The following KDM3B variants were observed in gnomAD, a reference collection of about 807,000 sequenced individuals.
KDM3B encodes lysine-specific demethylase 3B.
Under a neutral mutation model 170.0 loss-of-function variants are expected in KDM3B, and 10 were observed. The ratio of observed to expected loss-of-function variants is 0.06; its 90% CI spans 0.04 to 0.10. KDM3B has a LOEUF of 0.10. Among genes scored for constraint, KDM3B ranks in the 10% least tolerant of loss-of-function variants. The probability of loss-of-function intolerance (pLI) is 1.00; values close to 1 mark genes in which losing one functional copy is unlikely to be tolerated. For missense variants in KDM3B, 1,394 were observed against 2,195.2 expected, an observed-to-expected ratio of 0.64 and a Z score of 7.29; for synonymous variants, 831 against 834.8, an observed-to-expected ratio of 1.00 and a Z score of 0.08.
Position 138,395,623 on chromosome 5 carries a change from A to AT in KDM3B, c.2831+2262dup, listed in dbSNP as rs897113919. 1.3e-3 allele frequency among the ~76,000 whole-genome samples: 197 copies of AT among 148,760 alleles called. 1 individual carries two copies. The highest frequency in any genetic ancestry group is 7.0e-3 in the Middle Eastern group (2 of 284). On this transcript the variant is annotated intron_variant, in intron 9 of 23. Coordinates refer to ENST00000314358, the MANE Select transcript of KDM3B (RefSeq NM_016604.4). ...ACAAAAAATAATAGTAATAATAATA[A>AT]TTTTTTTTTTTGAGACGGAGTCTTG...
At chr5:138,398,119 T>G in intron 9 of KDM3B, 59 bp from the exon 10 acceptor site, 1 of 1,299,444 alleles carries the variant, frequency 7.7e-7, no homozygotes, top group Non-Finnish European at 1.1e-6. Flanking sequence ...CCCAGGAGTT[T>G]AGGTGTGTGT....
chr5:138,398,594 A>G (rs921194058), intron 10 of KDM3B, among the ~76,000 whole-genome samples: 1 of 152,188 alleles, frequency 6.6e-6, no homozygotes, highest in African/African-American at 2.4e-5. Flanking sequence ...TTTGGCAATT[A>G]ACAAACCAAA....
rs1309008673 is a variant in KDM3B, at chr5:138,358,173, G to A, written c.192+5186G>A. On this transcript the variant is annotated intron_variant, in intron 1 of 23. Transcript: ENST00000314358. ...CCACCATGTAATTTTAGTAGAGATG[G>A]GGTTTCACCATGTTGGCCAGGCTGA... 4.0e-5 allele frequency among the ~76,000 whole-genome samples: 6 copies of A among 148,932 alleles called. No homozygotes were observed. In the East Asian group the frequency reaches 1.2e-3, roughly 30 times the overall value.
Position 138,391,249 on chromosome 5 carries a change from C to T in KDM3B, c.1617C>T (p.Tyr539=), listed in dbSNP as rs1291090725. ...CMSQTLPTSN[Y]FTTVSESLAD... ...CCCAAACTTTACCTACCAGTAACTA[C>T]TTCACTACTGTTTCAGAGAGTTTGG... The change falls in exon 8 of 24, where the codon TAC becomes TAT. Residue 539 remains tyrosine (Y), a synonymous_variant. Coordinates refer to ENST00000314358, the MANE Select transcript of KDM3B (RefSeq NM_016604.4). The surrounding 1 kb of genome is among the most constrained non-coding windows in gnomAD (Gnocchi z 5.0). The T allele has an allele frequency of 4.3e-6, 7 of 1,614,192 alleles. No individual in the cohort carries two copies. Among genetic ancestry groups the T allele is most frequent in the Non-Finnish European group, 5.9e-6 (7 of 1,180,030 alleles).
chr5:138,431,866 CA>C (rs1763540113), intron 23 of KDM3B, among the ~76,000 whole-genome samples: 1 of 150,596 alleles, frequency 6.6e-6, no homozygotes, highest in Non-Finnish European at 1.5e-5. Context: ...GAGCTGAGAT[CA>C]TGCCACTGCA....
At chr5:138,419,263 A>G (rs371118678) in intron 14 of KDM3B, 31 bp downstream of exon 14, 67 of 1,584,960 alleles carry the variant, frequency 4.2e-5, no homozygotes, top group South Asian at 2.7e-4. Flanking sequence ...TGCTCTGCCT[A>G]TGGTAGAAAT....
chr5:138,398,543 T>C, intron 10 of KDM3B, 151 bp downstream of exon 10: 1 of 659,194 alleles, frequency 1.5e-6, no homozygotes. Flanking sequence ...AACCTGTCGT[T>C]GAGACCTTAA....
At chr5:138,428,393 G>A (rs1329669787) in intron 20 of KDM3B, among the ~76,000 whole-genome samples, 1 of 151,948 alleles carries the variant, frequency 6.6e-6, no homozygotes, top group Non-Finnish European at 1.5e-5. Flanking sequence ...TGTATTTTTA[G>A]TAGAGACGGG....
chr5:138,389,780 C>CTG (rs1230677685), intron 7 of KDM3B, among the ~76,000 whole-genome samples: 2,795 of 120,188 alleles, frequency 0.023, 43 homozygotes, highest in South Asian at 0.053. Flanking sequence ...CTCTCTCTCT[C>CTG]TCTGTGTGTG....
At chr5:138,419,731 ACACACACACACAC>A (rs1314522883) in intron 14 of KDM3B, among the ~76,000 whole-genome samples, 2 of 36,734 alleles carry the variant, frequency 5.4e-5, no homozygotes, top group Middle Eastern at 0.012. Context: ...ACACACATAC[ACACACACACACAC>A]ACACACACAC....
At chr5:138,406,790 T>C (rs1409800065) in intron 11 of KDM3B, among the ~76,000 whole-genome samples, 2 of 152,090 alleles carry the variant, frequency 1.3e-5, no homozygotes, top group Non-Finnish European at 2.9e-5. Flanking sequence ...CACAGTGGCG[T>C]GTGCCTATAC....
chr5:138,411,990 A>T (rs1357609652), intron 11 of KDM3B, among the ~76,000 whole-genome samples: 1 of 148,418 alleles, frequency 6.7e-6, no homozygotes, highest in African/African-American at 2.5e-5. Flanking sequence ...GATTACAGGC[A>T]CATGCCATTG....
At chr5:138,406,425 C>T (rs1762822677) in intron 11 of KDM3B, among the ~76,000 whole-genome samples, 1 of 152,152 alleles carries the variant, frequency 6.6e-6, no homozygotes, top group Non-Finnish European at 1.5e-5. Context: ...AGGTGGATCA[C>T]CTGAGGTCAG....
intron 15 of KDM3B, among the ~76,000 whole-genome samples, chr5:138,422,552 A>G (rs983723104): frequency 3.3e-5 from 5 of 152,194 alleles, no homozygotes; most frequent in Non-Finnish European, 7.3e-5. Context: ...AGGCAGGAGA[A>G]TCGCCTGAAC....
At chr5:138,415,299 C>A in intron 12 of KDM3B, 60 bp downstream of exon 12, 2 of 1,082,604 alleles carry the variant, frequency 1.8e-6, no homozygotes, top group South Asian at 1.5e-5. Flanking sequence ...GATAGCCATA[C>A]ACCATAAAAT....
chr5:138,415,200 C>G lies in KDM3B; in HGVS notation c.3268C>G (p.Pro1090Ala). ...GTGTGCAAAGGGACAGTCCCACGAA[C>G]CAGAGAATCTCATGCCCACACAAAT... is the stretch of plus-strand genomic sequence containing the variant. ...LKCAKGQSHE[P>A]ENLMPTQIIP... The change falls in exon 12 of 24, where the codon CCA becomes GCA. Residue 1090 changes from proline to alanine, a missense_variant. Physicochemically the swap from Pro to Ala is conservative, Grantham distance 27. Coordinates refer to ENST00000314358, the MANE Select transcript of KDM3B (RefSeq NM_016604.4). The G allele has an allele frequency of 6.2e-7, 1 of 1,609,570 alleles. No individual in the cohort carries two copies.
chr5:138,391,740 C>G lies in KDM3B; in HGVS notation c.2108C>G (p.Ser703Cys), dbSNP rs1322772475. ...ACAACTGACTCCTCCAAGCTAGTAT[C>G]TGGTGTTCTGGGCTCAGCTCTTACC... ...FITTDSSKLV[S>C]GVLGSALTSG... The change falls in exon 8 of 24, where the codon TCT becomes TGT. Residue 703 changes from serine to cysteine, a missense_variant. By Grantham distance (112) the Ser-to-Cys change is moderately radical (BLOSUM62 -1). Transcript: ENST00000314358. This position sits in a 1 kb window ranked among gnomAD's most constrained non-coding sequence, Gnocchi z 5.0. 2 of 1,614,126 alleles carry G rather than the reference C, an allele frequency of 1.2e-6. No homozygotes were observed. The highest frequency in any genetic ancestry group is 1.7e-6 in the Non-Finnish European group (2 of 1,180,036).
At chr5:138,432,901 C>T (rs78637316) in intron 23 of KDM3B, among the ~76,000 whole-genome samples, 1 of 150,652 alleles carries the variant, frequency 6.6e-6, no homozygotes, top group African/African-American at 2.4e-5. Flanking sequence ...TCCACCACCA[C>T]GTCCAGCTAT....
At chr5:138,385,004 A>G (rs1272586000) in intron 6 of KDM3B, among the ~76,000 whole-genome samples, 1 of 151,694 alleles carries the variant, frequency 6.6e-6, no homozygotes, top group Non-Finnish European at 1.5e-5. Context: ...TGAGCTTTGC[A>G]TAACAGTTTT....
Sources: gnomAD v4.1 joint callset for allele counts (sites outside exome capture counted in the v4.1 genomes callset) on GRCh38, gnomAD v4.1.1 for gene constraint, Gnocchi (gnomAD v3.1) non-coding constraint, MANE v1.5 for transcripts, NCBI Gene and HGNC (gene_info 2026-07-23, HGNC 2026-07-21) for gene names.